Variants in SGCZ observed in about 807,000 individuals in gnomAD.
SGCZ encodes sarcoglycan zeta.
SGCZ carries 40 observed loss-of-function variants against 41.3 expected under a neutral mutation model. The observed-to-expected ratio is 0.97, with a 90% CI of 0.75 to 1.26. The LOEUF is 1.26. Among genes scored for constraint, SGCZ ranks in the 50% most tolerant of loss-of-function variants. SGCZ has a pLI of 0.00. For synonymous variants in SGCZ, 206 were observed against 137.5 expected, an observed-to-expected ratio of 1.50 and a Z score of -3.49; for missense variants, 552 against 369.8, an observed-to-expected ratio of 1.49 and a Z score of -4.04.
chr8:14,408,966 T>TGTGTGTGTGCGTGTGG (rs1395616202), intron 2 of SGCZ, among the ~76,000 whole-genome samples: 1 of 136,776 alleles, frequency 7.3e-6, no homozygotes, highest in Non-Finnish European at 1.5e-5. Context: ...TGTGTGTGTG[T>TGTGTGTGTGCGTGTGG]GTGTGCATGT....
chr8:14,373,216 T>C (rs1803973963), intron 2 of SGCZ, among the ~76,000 whole-genome samples: 1 of 152,166 alleles, frequency 6.6e-6, no homozygotes, highest in Non-Finnish European at 1.5e-5. Flanking sequence ...TCCCAGATTT[T>C]GAGCCTTAGC....
At chr8:14,952,549 T>A (rs1800673569) in intron 1 of SGCZ, among the ~76,000 whole-genome samples, 1 of 152,156 alleles carries the variant, frequency 6.6e-6, no homozygotes, top group Non-Finnish European at 1.5e-5. Flanking sequence ...ATTAATTTTG[T>A]TTTTCACATT....
At chr8:15,174,453 T>C (rs1383568741) in intron 1 of SGCZ, among the ~76,000 whole-genome samples, 3 of 152,168 alleles carry the variant, frequency 2.0e-5, no homozygotes, top group Non-Finnish European at 2.9e-5. Flanking sequence ...GATCTTTTAT[T>C]GACAGAGAGC....
intron 2 of SGCZ, among the ~76,000 whole-genome samples, chr8:14,401,092 A>G (rs4831583): frequency 0.19 from 29,576 of 151,956 alleles, 3,574 homozygotes; most frequent in Non-Finnish European, 0.28. Context: ...AAAGCAGTCC[A>G]CACTGTGCAA....
chr8:14,130,628 C>T (rs1803011742), intron 5 of SGCZ, among the ~76,000 whole-genome samples: 1 of 152,120 alleles, frequency 6.6e-6, no homozygotes, highest in Non-Finnish European at 1.5e-5. Context: ...GTAAGAGAGT[C>T]CTTGGTGGGA....
chr8:14,744,252 C>A (rs1164931363), intron 1 of SGCZ, among the ~76,000 whole-genome samples: 1 of 152,144 alleles, frequency 6.6e-6, no homozygotes, highest in African/African-American at 2.4e-5. Context: ...ACGTGCACTG[C>A]ACAATATTTA....
At chr8:14,789,464 G>C (rs747413327) in intron 1 of SGCZ, among the ~76,000 whole-genome samples, 1 of 152,076 alleles carries the variant, frequency 6.6e-6, no homozygotes, top group Non-Finnish European at 1.5e-5. Flanking sequence ...ACAACCACAA[G>C]AATTCATGAA....
At chr8:15,140,068 T>C (rs934993895) in intron 1 of SGCZ, among the ~76,000 whole-genome samples, 1 of 152,156 alleles carries the variant, frequency 6.6e-6, no homozygotes, top group Non-Finnish European at 1.5e-5. Context: ...TTGCCCAGGC[T>C]GGAGTGCACT....
At chr8:14,761,350 A>C (rs1333651271) in intron 1 of SGCZ, among the ~76,000 whole-genome samples, 3 of 151,960 alleles carry the variant, frequency 2.0e-5, no homozygotes, top group African/African-American at 7.2e-5. Flanking sequence ...CGCTAAGGAT[A>C]CTACAATATT....
intron 1 of SGCZ, among the ~76,000 whole-genome samples, chr8:14,844,505 G>A (rs1803035031): frequency 6.6e-6 from 1 of 152,192 alleles, no homozygotes; most frequent in East Asian, 1.9e-4. Context: ...TGTTCCAACT[G>A]TTTCACTTCT....
intron 3 of SGCZ, among the ~76,000 whole-genome samples, chr8:14,320,022 C>G (rs781223089): frequency 1.3e-5 from 2 of 151,840 alleles, no homozygotes; most frequent in Admixed American, 6.6e-5. Context: ...ATATTAATTA[C>G]AGTTCACATA....
chr8:14,129,667 C>A (rs1396077247), intron 5 of SGCZ, among the ~76,000 whole-genome samples: 1 of 151,606 alleles, frequency 6.6e-6, no homozygotes, highest in Non-Finnish European at 1.5e-5. Context: ...AAACTAAACA[C>A]AAATCAGTGT....
intron 2 of SGCZ, among the ~76,000 whole-genome samples, chr8:14,391,308 T>G (rs1804761797): frequency 1.3e-5 from 2 of 152,124 alleles, no homozygotes; most frequent in East Asian, 3.8e-4. Context: ...TTCCTTCTTA[T>G]AAAAGTTGTA....
chr8:14,939,416 T>C (rs183179242), intron 1 of SGCZ, among the ~76,000 whole-genome samples: 12 of 152,136 alleles, frequency 7.9e-5, no homozygotes, highest in African/African-American at 2.9e-4. Flanking sequence ...CCTAAATTAA[T>C]GCTTCCTATT....
At position 14,499,514 on chromosome 8, in the gene SGCZ, G is replaced by C. The variant is rs545391679; in HGVS notation, c.234+55218C>G. Among the ~76,000 whole-genome samples, 7 of 151,948 alleles carry C rather than the reference G, an allele frequency of 4.6e-5. No individual in the cohort carries two copies. The South Asian group carries it at 1.0e-3, about 23-fold the overall frequency. On this transcript the variant is annotated intron_variant, in intron 2 of 7. Coordinates refer to ENST00000382080, the MANE Select transcript of SGCZ (RefSeq NM_139167.4). ...CAATATAATCTGAGCATTTCTGTTTGTCATTGGCTCCTTTAACTTATTTGA... is the reference window on the plus strand; with the variant it reads ...CAATATAATCTGAGCATTTCTGTTTCTCATTGGCTCCTTTAACTTATTTGA...
In SGCZ at chr8:14,237,670, G is replaced by A. The variant is rs1309535056; in HGVS notation, c.346C>T (p.Leu116=). 1.9e-6 allele frequency: 3 copies of A among 1,613,418 alleles called. No individual in the cohort carries two copies. The highest frequency in any genetic ancestry group is 2.7e-5 in the African/African-American group (2 of 74,884). ...KEIHSRKDSP[L]VLQSDRNVTV... ...ACATTCCTGTCAGACTGTAAGACCA[G>A]CGGACTATCCTGGGAAACATGTATA... is the stretch of plus-strand genomic sequence containing the variant. Residue 116 remains leucine (L), a synonymous_variant, in exon 4 of 8, where the codon CTG becomes TTG. Transcript: ENST00000382080.
intron 1 of SGCZ, among the ~76,000 whole-genome samples, chr8:14,880,558 G>C (rs971306628): frequency 2.0e-5 from 3 of 152,136 alleles, no homozygotes; most frequent in African/African-American, 7.2e-5. Context: ...CAACCCAAAT[G>C]TCCAATGATG....
intron 4 of SGCZ, among the ~76,000 whole-genome samples, chr8:14,209,328 G>A (rs1281845437): frequency 6.6e-6 from 1 of 151,994 alleles, no homozygotes; most frequent in East Asian, 1.9e-4. Context: ...CAGGGAGAGA[G>A]CTGTTCTGCT....
intron 2 of SGCZ, among the ~76,000 whole-genome samples, chr8:14,515,282 G>C (rs1802588183): frequency 6.6e-6 from 1 of 152,018 alleles, no homozygotes. Flanking sequence ...TTGTGCTCCT[G>C]CTGTATTTTT....
Sources: gnomAD v4.1 joint callset for allele counts (sites outside exome capture counted in the v4.1 genomes callset) on GRCh38, gnomAD v4.1.1 for gene constraint, MANE v1.5 for transcripts, NCBI Gene and HGNC (gene_info 2026-07-23, HGNC 2026-07-21) for gene names.